Variants in AOAH observed in about 807,000 individuals in gnomAD.
AOAH encodes acyloxyacyl hydrolase.
In AOAH, 64 loss-of-function variants were observed where a neutral mutation model predicts 92.2. The observed-to-expected ratio is 0.69, with a 90% confidence interval of 0.57 to 0.86. The LOEUF is 0.86. AOAH is among the 40% of genes least tolerant of loss of function. AOAH has a pLI of 0.00. For synonymous variants in AOAH, 263 were observed against 254.5 expected, an observed-to-expected ratio of 1.03 and a Z score of -0.32; for missense variants, 656 against 694.6, an observed-to-expected ratio of 0.94 and a Z score of 0.62.
At chr7:36,693,496 T>C (rs1016232607) in intron 1 of AOAH, among the ~76,000 whole-genome samples, 1 of 149,566 alleles carries the variant, frequency 6.7e-6, no homozygotes, top group Non-Finnish European at 1.5e-5. Flanking sequence ...AACCACAGAA[T>C]TTTATCCAAA....
At chr7:36,703,818 T>C (rs557793076) in intron 1 of AOAH, among the ~76,000 whole-genome samples, 1 of 152,338 alleles carries the variant, frequency 6.6e-6, no homozygotes, top group East Asian at 1.9e-4. Flanking sequence ...CTTTTGGGTA[T>C]ATACCCACTA....
chr7:36,591,513 A>C (rs1184856461), intron 12 of AOAH, among the ~76,000 whole-genome samples: 3 of 152,210 alleles, frequency 2.0e-5, no homozygotes, highest in Non-Finnish European at 4.4e-5. Flanking sequence ...AATGCTTATA[A>C]GAGTTAGAAA....
rs569070219 is a variant in AOAH, at chr7:36,519,722, A to G, written c.1599+2317T>C. Among the ~76,000 whole-genome samples the G allele has an allele frequency of 4.6e-5, 7 of 152,210 alleles. No homozygotes were observed. The South Asian group carries it at 6.2e-4, about 14-fold the overall frequency. ...TGGGATTATAGGCGTGAGCCACCACACCTGGCCTGAAAACATTTTTGAACA... is the reference window on the plus strand; with the variant it reads ...TGGGATTATAGGCGTGAGCCACCACGCCTGGCCTGAAAACATTTTTGAACA... On this transcript the variant is annotated intron_variant, in intron 20 of 20. Transcript: ENST00000617537.
At chr7:36,716,276 C>T (rs553588993) in intron 1 of AOAH, among the ~76,000 whole-genome samples, 83 of 151,710 alleles carry the variant, frequency 5.5e-4, no homozygotes, top group Non-Finnish European at 1.1e-3. Flanking sequence ...CAATGAGATA[C>T]CATCTCACAC....
intron 3 of AOAH, among the ~76,000 whole-genome samples, chr7:36,663,995 T>A (rs1374040934): frequency 6.6e-6 from 1 of 152,188 alleles, no homozygotes; most frequent in African/African-American, 2.4e-5. Flanking sequence ...TTATTTGTTA[T>A]CTGTATGTCT....
In AOAH at chr7:36,724,038, A is replaced by T; in HGVS notation, c.111T>A (p.Asn37Lys). The change falls in exon 1 of 21, where the codon AAT becomes AAA. Residue 37 changes from asparagine (N) to lysine (K), a missense_variant. Transcript: ENST00000617537. ...TTTGCATACCTACACAGGTGTGCCC[A>T]TTCGAGAGGCTGGGCCTGGACTGGT... ...NDDQSRPSLS[N>K]GHTCVGCVLV... is the part of the protein sequence containing the mutation. The T allele has an allele frequency of 6.2e-7, 1 of 1,613,676 alleles. No individual in the cohort carries two copies. Among genetic ancestry groups the T allele is most frequent in the Non-Finnish European group, 8.5e-7 (1 of 1,179,718 alleles).
chr7:36,676,013 T>A (rs1796236283), intron 2 of AOAH, among the ~76,000 whole-genome samples: 1 of 152,236 alleles, frequency 6.6e-6, no homozygotes, highest in South Asian at 2.1e-4. Flanking sequence ...ACAACTTACA[T>A]GATATTTAGT....
chr7:36,678,624 C>A (rs1796456689), intron 2 of AOAH, among the ~76,000 whole-genome samples: 1 of 143,872 alleles, frequency 7.0e-6, no homozygotes, highest in Admixed American at 6.9e-5. Flanking sequence ...CGTTAGAATT[C>A]TGTTTAGCTC....
At chr7:36,545,588 C>T (rs1461288883) in intron 15 of AOAH, among the ~76,000 whole-genome samples, 3 of 152,152 alleles carry the variant, frequency 2.0e-5, no homozygotes, top group Non-Finnish European at 4.4e-5. Context: ...GGCAGATGGG[C>T]ACAGACACCC....
At chr7:36,645,865 C>A (rs1410345961) in intron 4 of AOAH, among the ~76,000 whole-genome samples, 2 of 151,816 alleles carry the variant, frequency 1.3e-5, no homozygotes, top group Admixed American at 1.3e-4. Context: ...GCCTCTTCTT[C>A]ATACATATTT....
chr7:36,711,047 C>T (rs1445108221), intron 1 of AOAH, among the ~76,000 whole-genome samples: 2 of 152,178 alleles, frequency 1.3e-5, no homozygotes, highest in Non-Finnish European at 2.9e-5. Context: ...GAGAGCCCCA[C>T]ACTCTGCAGG....
chr7:36,593,315 A>T (rs1233554618), intron 12 of AOAH, among the ~76,000 whole-genome samples: 2 of 152,248 alleles, frequency 1.3e-5, no homozygotes, highest in Non-Finnish European at 2.9e-5. Context: ...ATCATCAAAT[A>T]AATTATTCAT....
At chr7:36,620,096 A>G (rs1792173153) in intron 9 of AOAH, among the ~76,000 whole-genome samples, 1 of 151,816 alleles carries the variant, frequency 6.6e-6, no homozygotes, top group Non-Finnish European at 1.5e-5. Flanking sequence ...AATTTCTGAG[A>G]CTCCAGGAAT....
chr7:36,662,540 C>T (rs1157899627), intron 3 of AOAH, among the ~76,000 whole-genome samples: 1 of 152,182 alleles, frequency 6.6e-6, no homozygotes, highest in Non-Finnish European at 1.5e-5. Context: ...CTTAATTGTT[C>T]ATTTATTTAG....
intron 13 of AOAH, among the ~76,000 whole-genome samples, chr7:36,552,214 CTCA>C (rs1786317126): frequency 6.6e-6 from 1 of 152,272 alleles, no homozygotes; most frequent in African/African-American, 2.4e-5. Flanking sequence ...TCCAAGTGTT[CTCA>C]TTGTTCAGCT....
intron 10 of AOAH, among the ~76,000 whole-genome samples, chr7:36,617,614 G>T (rs1184966008): frequency 6.6e-6 from 1 of 152,020 alleles, no homozygotes; most frequent in Non-Finnish European, 1.5e-5. Context: ...GAATGAATGA[G>T]GTGATTGTGG....
At chr7:36,534,270 C>T (rs975421398) in intron 16 of AOAH, among the ~76,000 whole-genome samples, 9 of 152,196 alleles carry the variant, frequency 5.9e-5, no homozygotes, top group African/African-American at 2.2e-4. Context: ...CCCAATGAGA[C>T]CCTGAGGGGC....
chr7:36,579,811 C>A (rs558530407), intron 12 of AOAH, among the ~76,000 whole-genome samples: 5 of 152,310 alleles, frequency 3.3e-5, no homozygotes, highest in African/African-American at 1.2e-4. Context: ...AGACCACTGA[C>A]TCAAATGTTA....
In AOAH at chr7:36,522,090, G is replaced by A. The variant is rs756277272; in HGVS notation, c.1548C>T (p.Gly516=). Residue 516 remains glycine, a synonymous_variant, in exon 20 of 21, where the codon GGC becomes GGT. Coordinates refer to ENST00000617537, the MANE Select transcript of AOAH (RefSeq NM_001637.4). ...GCTCGATGAGCTGCCAGGGCTGTCC[G>A]CCTCTCTTCTGCCACTCCTGTATGA... ...HEIIQEWQKR[G]GQPWQLIEPV... is the part of the protein sequence containing the mutation. 42 of 1,614,062 alleles carry A rather than the reference G, an allele frequency of 2.6e-5. No homozygotes were observed. The highest frequency in any genetic ancestry group is 2.4e-4 in the East Asian group (11 of 44,900).
Sources: gnomAD v4.1 joint callset for allele counts (sites outside exome capture counted in the v4.1 genomes callset) on GRCh38, gnomAD v4.1.1 for gene constraint, MANE v1.5 for transcripts, NCBI Gene and HGNC (gene_info 2026-07-23, HGNC 2026-07-21) for gene names.